NKAIN3: variants seen among roughly 807,000 people sequenced by gnomAD.
The protein encoded by NKAIN3 is sodium/potassium transporting ATPase interacting 3.
Under a neutral mutation model 30.2 loss-of-function variants are expected in NKAIN3, and 25 were observed. The ratio of observed to expected loss-of-function variants is 0.83; its 90% CI spans 0.60 to 1.16. The LOEUF (loss-of-function observed/expected upper bound fraction) is 1.16, where lower values mean the gene tolerates loss of function less well. NKAIN3 is among the 50% of genes most tolerant of loss of function. The pLI is 0.00. For synonymous variants in NKAIN3, 91 were observed against 89.6 expected, an observed-to-expected ratio of 1.02 and a Z score of -0.09; for missense variants, 225 against 254.1, an observed-to-expected ratio of 0.89 and a Z score of 0.78.
chr8:62,467,597 G>A (rs913037684), intron 1 of NKAIN3, among the ~76,000 whole-genome samples: 1 of 152,130 alleles, frequency 6.6e-6, no homozygotes, highest in Non-Finnish European at 1.5e-5. Flanking sequence ...GGCTTTGGAG[G>A]AAGATAATTT....
intron 1 of NKAIN3, among the ~76,000 whole-genome samples, chr8:62,295,004 C>A (rs889608483): frequency 6.6e-6 from 1 of 152,092 alleles, no homozygotes; most frequent in Admixed American, 6.6e-5. Context: ...TTGGGGTAAC[C>A]TTTTACATGG....
chr8:62,420,014 A>G (rs1025970179), intron 1 of NKAIN3, among the ~76,000 whole-genome samples: 3 of 152,130 alleles, frequency 2.0e-5, no homozygotes, highest in Admixed American at 1.3e-4. Flanking sequence ...ACAGCCCACA[A>G]CCATGTCACC....
At chr8:62,544,955 A>T (rs1808960729) in intron 1 of NKAIN3, among the ~76,000 whole-genome samples, 1 of 152,206 alleles carries the variant, frequency 6.6e-6, no homozygotes, top group Admixed American at 6.5e-5. Flanking sequence ...AATCATAAGG[A>T]AGATAAAATA....
chr8:62,589,875 TTGTGTGTGTGTGTGTGTGTG>T (rs35791396), intron 3 of NKAIN3, 81 bp downstream of exon 3: 117 of 430,054 alleles, frequency 2.7e-4, no homozygotes, highest in South Asian at 1.3e-3. Flanking sequence ...TATAGGTATA[TTGTGTGTGTGTGTGTGTGTG>T]TGTGTGTGTG....
rs1817289381 is a variant in NKAIN3 at position 62,779,445 on chromosome 8, TCA to T, written c.471+32317_471+32318del. On this transcript the variant is annotated intron_variant, in intron 4 of 6. Transcript: ENST00000623646. ...TGTTATAAATGCTCCCTACATGGTG[TCA>T]GCTGAGTTTTTTCCAGTGTTGCTTT... Among the ~76,000 whole-genome samples, 2 of 152,200 alleles carry T rather than the reference TCA, an allele frequency of 1.3e-5. 1 individual carries two copies. Among genetic ancestry groups the T allele is most frequent in the Admixed American group, 1.3e-4 (2 of 15,266 alleles).
intron 1 of NKAIN3, among the ~76,000 whole-genome samples, chr8:62,288,014 A>AT (rs1198645599): frequency 6.6e-6 from 1 of 152,048 alleles, no homozygotes; most frequent in African/African-American, 2.4e-5. Context: ...TCACCTGACA[A>AT]TAGCCTATGA....
intron 3 of NKAIN3, among the ~76,000 whole-genome samples, chr8:62,713,235 C>A (rs758430173): frequency 1.3e-5 from 2 of 152,164 alleles, no homozygotes; most frequent in African/African-American, 2.4e-5. Flanking sequence ...CCGCTGTCAG[C>A]TTCTTGGTTT....
chr8:62,354,188 C>T (rs1377559891), intron 1 of NKAIN3, among the ~76,000 whole-genome samples: 2 of 152,078 alleles, frequency 1.3e-5, no homozygotes, highest in Admixed American at 6.6e-5. Flanking sequence ...ATATAAGCAC[C>T]ATTCTTGCCA....
Position 62,981,319 on chromosome 8 carries a change from G to T in NKAIN3, c.*15912G>T, listed in dbSNP as rs1824069563. 1 of 152,162 alleles carries T rather than the reference G, an allele frequency of 6.6e-6. No homozygotes were observed. The highest frequency in any genetic ancestry group is 2.4e-5 in the African/African-American group (1 of 41,432). 9.4% of individuals were successfully genotyped at this position (152,162 alleles called of 1,614,324 possible). A position where few individuals can be genotyped will look rare whatever the true frequency, so the allele number is the denominator to read the frequency against. On this transcript the variant is annotated 3_prime_UTR_variant, in exon 7 of 7. Coordinates refer to ENST00000623646, the MANE Select transcript of NKAIN3 (RefSeq NM_001304533.3). ...TGACAGATTCTACCAGAAGGCCAGAGTATTAATAGCACCCGTGATAACTGT... is the reference window on the plus strand; with the variant it reads ...TGACAGATTCTACCAGAAGGCCAGATTATTAATAGCACCCGTGATAACTGT...
chr8:62,495,316 T>C (rs1341307595), intron 1 of NKAIN3, among the ~76,000 whole-genome samples: 20 of 152,056 alleles, frequency 1.3e-4, no homozygotes, highest in Admixed American at 1.3e-3. Context: ...ATGGTCAATA[T>C]GCCAGTAAAA....
intron 2 of NKAIN3, among the ~76,000 whole-genome samples, chr8:62,583,406 AG>A: frequency 6.6e-6 from 1 of 152,224 alleles, no homozygotes; most frequent in Admixed American, 6.5e-5. Flanking sequence ...ATGCCAACCA[AG>A]TCTCTCTCAT....
chr8:62,878,981 T>A (rs998236466), intron 4 of NKAIN3, among the ~76,000 whole-genome samples: 5 of 152,218 alleles, frequency 3.3e-5, no homozygotes, highest in African/African-American at 1.2e-4. Context: ...TACGTGTGCA[T>A]GTGTCTTTAT....
chr8:62,449,127 G>A (rs1235332036), intron 1 of NKAIN3, among the ~76,000 whole-genome samples: 1 of 151,920 alleles, frequency 6.6e-6, no homozygotes, highest in African/African-American at 2.4e-5. Context: ...TTTTAATGTA[G>A]TATTAGACAG....
intron 4 of NKAIN3, among the ~76,000 whole-genome samples, chr8:62,823,593 A>G (rs945172661): frequency 6.6e-6 from 1 of 152,230 alleles, no homozygotes; most frequent in Admixed American, 6.5e-5. Flanking sequence ...CGATTAAAAC[A>G]GACTGATTAA....
rs145400261 is a variant in NKAIN3 at position 62,648,213 on chromosome 8, G to A, written c.273+58419G>A. 9.9e-4 allele frequency among the ~76,000 whole-genome samples: 150 copies of A among 152,222 alleles called. 1 individual carries two copies. The Middle Eastern group carries it at 0.01, about 10-fold the overall frequency. ...ACTATGTCCTGTAAGACATGGATCC[G>A]TGTAGATCCGTGGATCTGGAGCTCC... On this transcript the variant is annotated intron_variant, in intron 3 of 6. Transcript: ENST00000623646.
intron 4 of NKAIN3, among the ~76,000 whole-genome samples, chr8:62,879,391 C>A (rs945885536): frequency 6.6e-6 from 1 of 152,074 alleles, no homozygotes; most frequent in Admixed American, 6.6e-5. Flanking sequence ...TGTTTGAGGT[C>A]ATTGTAGATT....
At chr8:62,403,087 A>G (rs915150629) in intron 1 of NKAIN3, among the ~76,000 whole-genome samples, 2 of 152,178 alleles carry the variant, frequency 1.3e-5, no homozygotes, top group African/African-American at 4.8e-5. Flanking sequence ...CTTGTTGCGA[A>G]CTGGAGTAAA....
rs182123749 is a variant in NKAIN3, at chr8:62,974,565, A to T, written c.*9158A>T. On this transcript the variant is annotated 3_prime_UTR_variant, in exon 7 of 7. Transcript: ENST00000623646. ...ATCTCTTTAAGGAGTTTTGGGGTTGAGACAATGGGGTTTTCTAAATGTACA... is the reference window on the plus strand; with the variant it reads ...ATCTCTTTAAGGAGTTTTGGGGTTGTGACAATGGGGTTTTCTAAATGTACA... Among the ~76,000 whole-genome samples the T allele has an allele frequency of 6.6e-6, 1 of 152,172 alleles. No individual in the cohort carries two copies. The highest frequency in any genetic ancestry group is 2.1e-4 in the South Asian group (1 of 4,832).
chr8:62,628,505 T>C (rs1811856538), intron 3 of NKAIN3, among the ~76,000 whole-genome samples: 1 of 152,168 alleles, frequency 6.6e-6, no homozygotes, highest in African/African-American at 2.4e-5. Context: ...CCAATCTAAA[T>C]GTTTCATTTC....
Sources: allele counts gnomAD v4.1 joint callset (sites outside exome capture counted in the v4.1 genomes callset), GRCh38; gene constraint gnomAD v4.1.1; transcripts MANE v1.5; gene names NCBI Gene and HGNC (gene_info 2026-07-23, HGNC 2026-07-21).